Variants in ZNF169 observed in about 807,000 individuals in gnomAD.
ZNF169 encodes the protein zinc finger protein 169.
ZNF169 carries 11 observed loss-of-function variants against 12.0 expected under a neutral mutation model. The ratio of observed to expected loss-of-function variants is 0.92; its 90% CI spans 0.58 to 1.52. ZNF169 has a LOEUF of 1.52. ZNF169 is among the 40% of genes most tolerant of loss of function. The pLI is 0.00. For synonymous variants in ZNF169, 302 were observed against 286.5 expected (o/e 1.05, Z -0.55); for missense variants, 722 against 744.0 (o/e 0.97, Z 0.34).
In ZNF169 at chr9:94,300,090, G is replaced by A; in HGVS notation, c.532G>A (p.Gly178Arg). The change falls in exon 5 of 5, where the codon GGG becomes AGG. Residue 178 changes from glycine to arginine, a missense_variant. By Grantham distance (125) the Gly-to-Arg change is moderately radical. Transcript: ENST00000395395. ...AGGTGACCCAGTAGAATGGGTAGAA[G>A]GGAACAGAGAAGGAGGAACAGACCT... ...HQGDPVEWVE[G>R]NREGGTDLRL... The A allele has an allele frequency of 1.2e-6, 2 of 1,614,152 alleles. No homozygotes were observed. Among genetic ancestry groups the A allele is most frequent in the Non-Finnish European group, 1.7e-6 (2 of 1,180,042 alleles).
At chr9:94,259,934 C>T (rs1413009212) in intron 1 of ZNF169, among the ~76,000 whole-genome samples, 1 of 152,134 alleles carries the variant, frequency 6.6e-6, no homozygotes, top group Non-Finnish European at 1.5e-5. Flanking sequence ...GAGTCTCTCT[C>T]TGTCGCCCAG....
chr9:94,300,596 C>T lies in ZNF169; in HGVS notation c.1038C>T (p.Phe346=), dbSNP rs370443918. Residue 346 remains phenylalanine, a synonymous_variant, in exon 5 of 5, where the codon TTC becomes TTT. Coordinates refer to ENST00000395395, the MANE Select transcript of ZNF169 (RefSeq NM_194320.4). ...GGACGCACTTGGAGGAGAAGCCCTTCGTGTGTCCTGAGTGTGGGAGAGGCT... is the reference window on the plus strand; with the variant it reads ...GGACGCACTTGGAGGAGAAGCCCTTTGTGTGTCCTGAGTGTGGGAGAGGCT... ...HQRTHLEEKP[F]VCPECGRGFC... is the part of the protein sequence containing the mutation. 17 of 1,613,790 alleles carry T rather than the reference C, an allele frequency of 1.1e-5. No homozygotes were observed. Among genetic ancestry groups the T allele is most frequent in the African/African-American group, 4.0e-5 (3 of 74,824 alleles).
At chr9:94,288,816 A>G (rs1208104433) in intron 2 of ZNF169, among the ~76,000 whole-genome samples, 3 of 152,152 alleles carry the variant, frequency 2.0e-5, no homozygotes, top group Admixed American at 2.0e-4. Context: ...ACTGTGAGTC[A>G]ATTGAACCTT....
chr9:94,265,555 G>T (rs941265873), intron 1 of ZNF169, among the ~76,000 whole-genome samples: 1 of 150,486 alleles, frequency 6.6e-6, no homozygotes, highest in Non-Finnish European at 1.5e-5. Context: ...ACTCCATCCT[G>T]GGGGACAGAG....
chr9:94,292,015 G>T (rs1042144469), intron 2 of ZNF169, among the ~76,000 whole-genome samples: 1 of 152,238 alleles, frequency 6.6e-6, no homozygotes, highest in Non-Finnish European at 1.5e-5. Flanking sequence ...GGCTATTTTA[G>T]AATAGCTAAA....
At chr9:94,264,209 T>C (rs1055764637) in intron 1 of ZNF169, among the ~76,000 whole-genome samples, 1 of 152,198 alleles carries the variant, frequency 6.6e-6, no homozygotes, top group Non-Finnish European at 1.5e-5. Flanking sequence ...CAATTTTGGC[T>C]CACTGCAACT....
At chr9:94,274,230 C>T (rs1489373449) in intron 1 of ZNF169, among the ~76,000 whole-genome samples, 8 of 152,156 alleles carry the variant, frequency 5.3e-5, no homozygotes, top group Admixed American at 3.3e-4. Flanking sequence ...ACCTCACCTC[C>T]GAAGACAGTG....
intron 1 of ZNF169, among the ~76,000 whole-genome samples, chr9:94,276,243 C>G (rs939935232): frequency 1.3e-5 from 2 of 152,076 alleles, no homozygotes; most frequent in African/African-American, 4.8e-5. Flanking sequence ...AAACAAGGTT[C>G]ACACATTACA....
rs1830384700 is a variant in ZNF169 at position 94,270,747 on chromosome 9, TA to T, written c.-55-8010del. Among the ~76,000 whole-genome samples, 10 of 92,836 alleles carry T rather than the reference TA, an allele frequency of 1.1e-4. No homozygotes were observed. In the South Asian group the frequency reaches 1.8e-3, roughly 17 times the overall value. 60.9% of individuals were successfully genotyped at this position (92,836 alleles called of 152,430 possible). ...TTATATATTATATAATTAATGTATT[TA>T]TATAATATATAAATATATATGTTAT... On this transcript the variant is annotated intron_variant, in intron 1 of 4. Coordinates refer to ENST00000395395, the MANE Select transcript of ZNF169 (RefSeq NM_194320.4).
chr9:94,268,735 G>A (rs930423564), intron 1 of ZNF169, among the ~76,000 whole-genome samples: 9 of 143,316 alleles, frequency 6.3e-5, no homozygotes, highest in South Asian at 2.2e-4. Flanking sequence ...ACAATGAGCC[G>A]AGATCACACC....
chr9:94,299,769 C>G (rs1831016841), intron 4 of ZNF169, 46 bp from the exon 5 acceptor site: 1 of 1,555,010 alleles, frequency 6.4e-7, no homozygotes, highest in Admixed American at 2.0e-5. Context: ...GTATTACAAT[C>G]CATGGTCACC....
rs1280314611 is a variant in ZNF169, at chr9:94,301,323, A to G, written c.1765A>G (p.Arg589Gly). Residue 589 changes from arginine (R) to glycine (G), a missense_variant, in exon 5 of 5, where the codon AGG becomes GGG. By Grantham distance (125) the Arg-to-Gly change is moderately radical. Transcript: ENST00000395395. The part of the protein sequence containing the change: ...FSQKSHLHRH[R>G]RTKSGHQLLP... ...CCAGAAGTCTCACTTGCATAGACAC[A>G]GGAGGACCAAGTCTGGTCATCAGCT... 1 of 1,614,176 alleles carries G rather than the reference A, an allele frequency of 6.2e-7. No homozygotes were observed. Among genetic ancestry groups the G allele is most frequent in the Non-Finnish European group, 8.5e-7 (1 of 1,180,010 alleles).
chr9:94,293,006 C>T lies in ZNF169; in HGVS notation c.193C>T (p.Gln65Ter), dbSNP rs1471662071. The T allele has an allele frequency of 6.2e-7, 1 of 1,613,366 alleles. No homozygotes were observed. Among genetic ancestry groups the T allele is most frequent in the East Asian group, 2.2e-5 (1 of 44,856 alleles). Residue 65 changes from glutamine (Q) to a stop codon, truncating the protein, a stop_gained, in exon 4 of 5, where the codon CAG (glutamine) becomes TAG (stop). Transcript: ENST00000395395. LOFTEE classifies it high-confidence loss of function. ...ATTTTCCAAACCAAAACTCATCGAA[C>T]AGCTGGAGCAAGGCGACGAACCTTG... is the stretch of plus-strand genomic sequence containing the variant. ...IAFSKPKLIEQLEQGDEPWRE... is the reference protein window; with the variant it reads ...IAFSKPKLIE
chr9:94,298,109 G>C (rs1415671381), intron 4 of ZNF169, among the ~76,000 whole-genome samples: 1 of 151,664 alleles, frequency 6.6e-6, no homozygotes, highest in Non-Finnish European at 1.5e-5. Context: ...GGAGGTTGCA[G>C]TGGGCTGAGA....
chr9:94,262,746 A>G (rs1830226907), intron 1 of ZNF169, among the ~76,000 whole-genome samples: 1 of 151,938 alleles, frequency 6.6e-6, no homozygotes. Flanking sequence ...GGTGTGAGCC[A>G]CCTCGCTTGG....
chr9:94,289,045 A>G (rs1470498868), intron 2 of ZNF169, among the ~76,000 whole-genome samples: 11 of 152,178 alleles, frequency 7.2e-5, no homozygotes, highest in Admixed American at 6.5e-4. Context: ...TAGGAAAATT[A>G]TGTTTTTAAA....
chr9:94,292,367 T>C lies in ZNF169; in HGVS notation c.60T>C (p.Ala20=), dbSNP rs1262331829. 1 of 1,614,072 alleles carries C rather than the reference T, an allele frequency of 6.2e-7. No individual in the cohort carries two copies. The highest frequency in any genetic ancestry group is 2.2e-5 in the East Asian group (1 of 44,892). The change falls in exon 3 of 5, where the codon GCT becomes GCC. Residue 20 remains alanine (A), a synonymous_variant. Transcript: ENST00000395395. ...CATTGATGGCCTTCCGGGATGTGGC[T>C]GTGGCCTTCACCCAGAAGGAGTGGA... ...KEALMAFRDV[A]VAFTQKEWKL...
At chr9:94,289,619 G>A (rs915137442) in intron 2 of ZNF169, among the ~76,000 whole-genome samples, 5 of 151,984 alleles carry the variant, frequency 3.3e-5, no homozygotes, top group African/African-American at 7.2e-5. Context: ...ACGAAACCCC[G>A]TCTCTACTAA....
chr9:94,272,653 TG>T (rs1242161395), intron 1 of ZNF169, among the ~76,000 whole-genome samples: 1 of 152,178 alleles, frequency 6.6e-6, no homozygotes, highest in Non-Finnish European at 1.5e-5. Flanking sequence ...TCCATTTGTG[TG>T]GATAGACTAC....
Sources: gnomAD v4.1 joint callset for allele counts (sites outside exome capture counted in the v4.1 genomes callset) on GRCh38, gnomAD v4.1.1 for gene constraint, MANE v1.5 for transcripts, NCBI Gene and HGNC (gene_info 2026-07-23, HGNC 2026-07-21) for gene names.